Variants in SRBD1 observed in about 807,000 individuals in gnomAD.
The protein encoded by SRBD1 is S1 RNA binding domain 1, also known as S1 RNA-binding domain-containing protein 1.
In SRBD1, 88 loss-of-function variants were observed where a neutral mutation model predicts 115.3. The observed-to-expected ratio is 0.76, with a 90% CI of 0.64 to 0.91. SRBD1 has a LOEUF of 0.91. Among genes scored for constraint, SRBD1 ranks in the 40% least tolerant of loss-of-function variants. The probability of loss-of-function intolerance (pLI) is 0.00; values close to 1 mark genes in which losing one functional copy is unlikely to be tolerated. For missense variants in SRBD1, 1,385 were observed against 1,177.4 expected (o/e 1.18, Z -2.58); for synonymous variants, 509 against 407.7 (o/e 1.25, Z -2.99).
chr2:45,408,747 G>A (rs1667508433), intron 19 of SRBD1, among the ~76,000 whole-genome samples: 1 of 152,096 alleles, frequency 6.6e-6, no homozygotes, highest in African/African-American at 2.4e-5. Flanking sequence ...ACCACTATTA[G>A]CACTACTATA....
chr2:45,452,123 A>C (rs1669017155), intron 16 of SRBD1, among the ~76,000 whole-genome samples: 1 of 151,988 alleles, frequency 6.6e-6, no homozygotes. Flanking sequence ...TCAAACCAAA[A>C]ACTGCTTTCA....
intron 20 of SRBD1, among the ~76,000 whole-genome samples, chr2:45,390,038 T>C (rs143029555): frequency 2.6e-5 from 4 of 152,298 alleles, no homozygotes; most frequent in African/African-American, 4.8e-5. Flanking sequence ...TTAAAGATGG[T>C]AGAAAGTACA....
chr2:45,414,718 A>ATACACACACACAGTGTATATAGTATG (rs1558563289), intron 18 of SRBD1, among the ~76,000 whole-genome samples: 10 of 105,920 alleles, frequency 9.4e-5, no homozygotes, highest in Non-Finnish European at 1.7e-4. Context: ...TAGTATGTAT[A>ATACACACACACAGTGTATATAGTATG]TACACACACA....
intron 16 of SRBD1, among the ~76,000 whole-genome samples, chr2:45,463,032 A>G (rs113074309): frequency 3.3e-3 from 246 of 74,718 alleles, no homozygotes; most frequent in African/African-American, 0.014. Context: ...GGGGGGGGGG[A>G]AATCTCTCTT....
At chr2:45,601,779 AG>A in intron 3 of SRBD1, 123 bp downstream of exon 3, 2 of 1,242,688 alleles carry the variant, frequency 1.6e-6, no homozygotes, top group Admixed American at 2.3e-5. Flanking sequence ...GACCCAGGGT[AG>A]GGGATGCCAT....
chr2:45,558,067 G>A (rs1038111448), intron 10 of SRBD1, among the ~76,000 whole-genome samples: 12 of 152,166 alleles, frequency 7.9e-5, no homozygotes, highest in African/African-American at 2.7e-4. Context: ...TTAAAGTAGA[G>A]ACAGTTTCCC....
chr2:45,593,423 G>A (rs779048057), intron 4 of SRBD1, among the ~76,000 whole-genome samples: 1 of 152,118 alleles, frequency 6.6e-6, no homozygotes, highest in Non-Finnish European at 1.5e-5. Context: ...ATGGGGGGCG[G>A]TTTCCCCTAT....
chr2:45,546,371 A>G (rs1375491476), intron 14 of SRBD1: 2 of 984,356 alleles, frequency 2.0e-6, no homozygotes, highest in African/African-American at 3.5e-5. Context: ...CTTTGGGAGA[A>G]AAAGGCTAAG....
At chr2:45,397,439 T>C (rs2103823424) in intron 19 of SRBD1, among the ~76,000 whole-genome samples, 1 of 152,332 alleles carries the variant, frequency 6.6e-6, no homozygotes, top group East Asian at 1.9e-4. Context: ...AACCTGCTGC[T>C]CCTTTATGCT....
At chr2:45,437,052 A>G (rs949227622) in intron 16 of SRBD1, among the ~76,000 whole-genome samples, 1 of 152,210 alleles carries the variant, frequency 6.6e-6, no homozygotes, top group Non-Finnish European at 1.5e-5. Flanking sequence ...GTATAAATCT[A>G]ATAAGATATG....
At chr2:45,536,516 A>G (rs1480660188) in intron 14 of SRBD1, among the ~76,000 whole-genome samples, 2 of 151,978 alleles carry the variant, frequency 1.3e-5, no homozygotes, top group Non-Finnish European at 2.9e-5. Flanking sequence ...CCTATTAAAA[A>G]CCTTTTGCCT....
At chr2:45,533,434 G>A (rs925723638) in intron 14 of SRBD1, among the ~76,000 whole-genome samples, 2 of 151,904 alleles carry the variant, frequency 1.3e-5, no homozygotes, top group African/African-American at 2.4e-5. Flanking sequence ...TAATAAGAGG[G>A]TCTATATATA....
At chr2:45,517,828 G>GC (rs1245589468) in intron 14 of SRBD1, among the ~76,000 whole-genome samples, 4 of 151,630 alleles carry the variant, frequency 2.6e-5, no homozygotes, top group African/African-American at 9.7e-5. Context: ...GATCTTGTCT[G>GC]TACCAAAAAC....
At chr2:45,429,975 C>A (rs1040860689) in intron 16 of SRBD1, among the ~76,000 whole-genome samples, 4 of 152,286 alleles carry the variant, frequency 2.6e-5, no homozygotes, top group Middle Eastern at 3.4e-3. Context: ...GCAAAAATCA[C>A]AGGCACTCCT....
intron 14 of SRBD1, among the ~76,000 whole-genome samples, chr2:45,528,229 C>T (rs1176048404): frequency 6.6e-6 from 1 of 151,684 alleles, no homozygotes; most frequent in African/African-American, 2.4e-5. Flanking sequence ...GAATGATGAA[C>T]ACCATGTGTT....
chr2:45,483,250 G>C (rs1445344533), intron 15 of SRBD1, among the ~76,000 whole-genome samples: 3 of 151,882 alleles, frequency 2.0e-5, no homozygotes, highest in Non-Finnish European at 4.4e-5. Flanking sequence ...TGGTAACATA[G>C]GTCAATGTAT....
At chr2:45,474,892 C>A (rs770764341) in intron 16 of SRBD1, among the ~76,000 whole-genome samples, 14 of 152,122 alleles carry the variant, frequency 9.2e-5, no homozygotes, top group Non-Finnish European at 2.1e-4. Context: ...TTTCTGTCAA[C>A]TCATGGAATT....
At chr2:45,558,562 A>G (rs1015831710) in intron 10 of SRBD1, among the ~76,000 whole-genome samples, 1 of 152,122 alleles carries the variant, frequency 6.6e-6, no homozygotes, top group Non-Finnish European at 1.5e-5. Context: ...TTGTTATGCT[A>G]ATTAACTTAT....
intron 11 of SRBD1, 61 bp from the exon 12 acceptor site, chr2:45,551,343 G>A: frequency 6.8e-7 from 1 of 1,476,964 alleles, no homozygotes; most frequent in South Asian, 1.3e-5. Context: ...TCCAGAAAAG[G>A]AGCAGAATTC....
Sources: gnomAD v4.1 joint callset for allele counts (sites outside exome capture counted in the v4.1 genomes callset) on GRCh38, gnomAD v4.1.1 for gene constraint, MANE v1.5 for transcripts, NCBI Gene and HGNC (gene_info 2026-07-23, HGNC 2026-07-21) for gene names.